FBXO25: variants seen among roughly 807,000 people sequenced by gnomAD.
FBXO25 encodes F-box protein 25, also known as F-box only protein 25.
In FBXO25, 45 loss-of-function variants were observed where a neutral mutation model predicts 51.9. That is an observed-to-expected ratio of 0.87 (90% CI 0.68 to 1.11). FBXO25 has a LOEUF of 1.11. Ranked by LOEUF, FBXO25 falls within the 50% of genes most tolerant of loss-of-function variation. The probability of loss-of-function intolerance (pLI) is 0.00; values close to 1 mark genes in which losing one functional copy is unlikely to be tolerated. For missense variants in FBXO25, 507 were observed against 428.5 expected (o/e 1.18, Z -1.62); for synonymous variants, 199 against 151.0 (o/e 1.32, Z -2.33).
chr8:419,296 G>T (rs1301217818), intron 2 of FBXO25, among the ~76,000 whole-genome samples: 1 of 152,224 alleles, frequency 6.6e-6, no homozygotes, highest in Admixed American at 6.5e-5. Context: ...TTGAACCTGG[G>T]AGGTGAAGGT....
intron 8 of FBXO25, among the ~76,000 whole-genome samples, chr8:461,275 C>G (rs1289551653): frequency 6.6e-6 from 1 of 152,158 alleles, no homozygotes; most frequent in Admixed American, 6.5e-5. Context: ...CTGTATTAGT[C>G]CATTCTCCGC....
intron 7 of FBXO25, 69 bp from the exon 8 acceptor site, chr8:458,300 C>A: frequency 1.3e-6 from 2 of 1,518,554 alleles, no homozygotes; most frequent in Admixed American, 1.8e-5. Flanking sequence ...TCCAGCTTGA[C>A]TCTTCAGTTA....
In FBXO25 at chr8:473,205, C is replaced by T. The variant is rs1800537836; in HGVS notation, c.*4401C>T. 1 of 152,326 alleles carries T rather than the reference C, an allele frequency of 6.6e-6. No individual in the cohort carries two copies. Among genetic ancestry groups the T allele is most frequent in the Non-Finnish European group, 1.5e-5 (1 of 68,132 alleles). The allele number at this position is 152,326 out of a possible 1,614,324, so 9.4% of individuals were successfully genotyped here. A position where few individuals can be genotyped will look rare whatever the true frequency, so the allele number is the denominator to read the frequency against. On this transcript the variant is annotated 3_prime_UTR_variant, in exon 10 of 10. Coordinates refer to ENST00000350302, the MANE Select transcript of FBXO25 (RefSeq NM_183420.2). The stretch of plus-strand genomic sequence containing the variant: ...CTCAACTTTGGAAAGCAGTGTCCCC[C>T]CGCGTCCCATGGGCTAAATGCCACT...
At chr8:426,835 T>A (rs1181197732) in intron 2 of FBXO25, among the ~76,000 whole-genome samples, 3 of 152,068 alleles carry the variant, frequency 2.0e-5, no homozygotes, top group Admixed American at 6.6e-5. Context: ...CTTGTCGCCC[T>A]CTGCTCTGCT....
At chr8:464,251 C>T (rs114064446) in intron 9 of FBXO25, among the ~76,000 whole-genome samples, 1,968 of 152,288 alleles carry the variant, frequency 0.013, 38 homozygotes, top group African/African-American at 0.044. Context: ...CCATGGCACC[C>T]GGCAATTATC....
At chr8:412,420 A>G (rs1476387763) in intron 1 of FBXO25, among the ~76,000 whole-genome samples, 1 of 152,200 alleles carries the variant, frequency 6.6e-6, no homozygotes, top group Non-Finnish European at 1.5e-5. Context: ...CACCTTTTAA[A>G]GGTCAACATT....
At chr8:454,451 G>A (rs2116754130) in intron 7 of FBXO25, among the ~76,000 whole-genome samples, 1 of 152,326 alleles carries the variant, frequency 6.6e-6, no homozygotes, top group South Asian at 2.1e-4. Flanking sequence ...TGGATCAGCA[G>A]GCGTAGCCTT....
Position 469,519 on chromosome 8 carries a change from A to G in FBXO25, c.*715A>G, listed in dbSNP as rs976825503. On this transcript the variant is annotated 3_prime_UTR_variant, in exon 10 of 10. Transcript: ENST00000350302. ...ACAGCCCAGTGCAGTCTAAACTTCAATTGTGTTGAAACTACTTTAATAGAC... is the reference window on the plus strand; with the variant it reads ...ACAGCCCAGTGCAGTCTAAACTTCAGTTGTGTTGAAACTACTTTAATAGAC... The G allele has an allele frequency of 2.0e-5, 3 of 152,228 alleles. No homozygotes were observed. The highest frequency in any genetic ancestry group is 6.5e-5 in the Admixed American group (1 of 15,288). 9.4% of individuals were successfully genotyped at this position (152,228 alleles called of 1,614,324 possible).
rs940894107 is a variant in FBXO25, at chr8:470,994, A to C, written c.*2190A>C. ...TTCCCCTAATTTGTCATATACTGTT[A>C]CTGTCATTTAATTGTTAGATGTTAT... On this transcript the variant is annotated 3_prime_UTR_variant, in exon 10 of 10. Coordinates refer to ENST00000350302, the MANE Select transcript of FBXO25 (RefSeq NM_183420.2). 2 of 152,106 alleles carry C rather than the reference A, an allele frequency of 1.3e-5. No homozygotes were observed. Among genetic ancestry groups the C allele is most frequent in the African/African-American group, 2.4e-5 (1 of 41,396 alleles). 9.4% of individuals were successfully genotyped at this position (152,106 alleles called of 1,614,324 possible). A position where few individuals can be genotyped will look rare whatever the true frequency, so the allele number is the denominator to read the frequency against.
Position 451,346 on chromosome 8 carries a change from A to T in FBXO25, c.553A>T (p.Arg185Ter). ...DLSSTLCILIRGVGKSVLVGN... is the reference protein window; with the variant it reads ...DLSSTLCILI ...AAGCTCTACCCTCTGCATTCTTATTAGAGGAGTAGGGAAGTCTGTATTAGT... is the reference window on the plus strand; with the variant it reads ...AAGCTCTACCCTCTGCATTCTTATTTGAGGAGTAGGGAAGTCTGTATTAGT... Residue 185 changes from arginine to a stop codon, truncating the protein, a stop_gained, in exon 7 of 10, where the codon AGA becomes TGA. Coordinates refer to ENST00000350302, the MANE Select transcript of FBXO25 (RefSeq NM_183420.2). LOFTEE classifies it high-confidence loss of function. The T allele has an allele frequency of 6.2e-7, 1 of 1,613,974 alleles. No individual in the cohort carries two copies. Among genetic ancestry groups the T allele is most frequent in the Admixed American group, 1.7e-5 (1 of 60,012 alleles).
chr8:412,034 A>G (rs1277561513), intron 1 of FBXO25, among the ~76,000 whole-genome samples: 13 of 152,244 alleles, frequency 8.5e-5, no homozygotes, highest in Admixed American at 7.2e-4. Context: ...CCACTGATCA[A>G]GAGGAGCAGA....
At chr8:435,759 T>A in intron 5 of FBXO25, 52 bp downstream of exon 5, 1 of 1,555,802 alleles carries the variant, frequency 6.4e-7, no homozygotes, top group Non-Finnish European at 8.7e-7. Context: ...AACAACTATA[T>A]TTTGAAGATT....
intron 9 of FBXO25, among the ~76,000 whole-genome samples, 177 bp downstream of exon 9, chr8:463,327 G>C (rs1799940862): frequency 1.3e-5 from 2 of 152,220 alleles, no homozygotes; most frequent in Non-Finnish European, 2.9e-5. Context: ...TCAATGTGTA[G>C]CTTAAACCAG....
In FBXO25 at chr8:472,736, T is replaced by C. The variant is rs868561148; in HGVS notation, c.*3932T>C. 41 of 152,352 alleles carry C rather than the reference T, an allele frequency of 2.7e-4. No homozygotes were observed. Among genetic ancestry groups the C allele is most frequent in the African/African-American group, 9.6e-4 (40 of 41,578 alleles). 9.4% of individuals were successfully genotyped at this position (152,352 alleles called of 1,614,324 possible). A position where few individuals can be genotyped will look rare whatever the true frequency, so the allele number is the denominator to read the frequency against. ...AGACCATTTTCTCCAGAGATGCCTTTTAATGGTTTTTCTTTTCATTGCGAA... is the reference window on the plus strand; with the variant it reads ...AGACCATTTTCTCCAGAGATGCCTTCTAATGGTTTTTCTTTTCATTGCGAA... On this transcript the variant is annotated 3_prime_UTR_variant, in exon 10 of 10. Coordinates refer to ENST00000350302, the MANE Select transcript of FBXO25 (RefSeq NM_183420.2).
chr8:467,832 G>A (rs190725845), intron 9 of FBXO25: 7 of 1,600,368 alleles, frequency 4.4e-6, no homozygotes, highest in Non-Finnish European at 5.1e-6. Context: ...CTTGGCCACT[G>A]CCCGGCTCGA....
chr8:411,167 A>T (rs190382232), intron 1 of FBXO25, among the ~76,000 whole-genome samples: 5 of 152,344 alleles, frequency 3.3e-5, no homozygotes, highest in Non-Finnish European at 5.9e-5. Context: ...CGGGACGTGA[A>T]ATTAAAGTAA....
At chr8:461,288 C>T (rs1406147951) in intron 8 of FBXO25, among the ~76,000 whole-genome samples, 2 of 152,062 alleles carry the variant, frequency 1.3e-5, no homozygotes, top group Non-Finnish European at 2.9e-5. Flanking sequence ...TTCTCCGCTG[C>T]CAATAAAAGA....
chr8:447,047 GA>G, intron 5 of FBXO25, among the ~76,000 whole-genome samples: 3 of 152,362 alleles, frequency 2.0e-5, no homozygotes, highest in Admixed American at 2.0e-4. Flanking sequence ...GAACTGAGCA[GA>G]AGGGCTTAGG....
At chr8:421,989 A>G (rs1797183278) in intron 2 of FBXO25, among the ~76,000 whole-genome samples, 1 of 152,252 alleles carries the variant, frequency 6.6e-6, no homozygotes, top group Non-Finnish European at 1.5e-5. Context: ...GTGAGGGATA[A>G]GGAACAGTTC....
Sources: gnomAD v4.1 joint callset for allele counts (sites outside exome capture counted in the v4.1 genomes callset) on GRCh38, gnomAD v4.1.1 for gene constraint, MANE v1.5 for transcripts, NCBI Gene and HGNC (gene_info 2026-07-23, HGNC 2026-07-21) for gene names.